Variants in CLEC2D observed in about 807,000 individuals in gnomAD.
CLEC2D encodes C-type lectin related f.
A neutral mutation model predicts 20.0 loss-of-function variants in CLEC2D; 16 were observed. The ratio of observed to expected loss-of-function variants is 0.80; its 90% CI spans 0.54 to 1.22. The LOEUF (loss-of-function observed/expected upper bound fraction) is 1.22. CLEC2D is among the 50% of genes most tolerant of loss of function. The pLI is 0.00. For missense variants in CLEC2D, 207 were observed against 221.5 expected, an observed-to-expected ratio of 0.93 and a Z score of 0.42; for synonymous variants, 77 against 71.1, an observed-to-expected ratio of 1.08 and a Z score of -0.42.
intron 1 of CLEC2D, among the ~76,000 whole-genome samples, chr12:9,672,479 A>C (rs1450960325): frequency 6.6e-6 from 1 of 152,054 alleles, no homozygotes; most frequent in Non-Finnish European, 1.5e-5. Flanking sequence ...CAGTGACCTG[A>C]CCTTTCTCCC....
At position 9,696,426 on chromosome 12, in the gene CLEC2D, T is replaced by C; in HGVS notation, c.*1552T>C. The C allele has an allele frequency of 2.2e-6, 1 of 459,652 alleles. No individual in the cohort carries two copies. The highest frequency in any genetic ancestry group is 2.1e-5 in the South Asian group (1 of 46,766). 28.5% of individuals were successfully genotyped at this position (459,652 alleles called of 1,614,324 possible). A position where few individuals can be genotyped will look rare whatever the true frequency, so the allele number is the denominator to read the frequency against. ...GTTTTTAAAGATGGAACTCCACCCT[T>C]TGCTTGGTTTTAAGTATGTATGGGA... On this transcript the variant is annotated 3_prime_UTR_variant, in exon 5 of 5. Coordinates refer to ENST00000290855, the MANE Select transcript of CLEC2D (RefSeq NM_013269.6).
chr12:9,680,830 A>G (rs10844424), intron 1 of CLEC2D, 93 bp from the exon 2 acceptor site: 45,130 of 644,066 alleles, frequency 0.07, 1,882 homozygotes, highest in Non-Finnish European at 0.087. Context: ...AAAGCGAAGG[A>G]ATTAAATAAA....
chr12:9,695,766 A>G lies in CLEC2D; in HGVS notation c.*892A>G. On this transcript the variant is annotated 3_prime_UTR_variant, in exon 5 of 5. Coordinates refer to ENST00000290855, the MANE Select transcript of CLEC2D (RefSeq NM_013269.6). ...AGGAAGGTGCAGAGTCAGAAGATGAAGAAGAGGAGGATGTGAAACTCTTAA... is the reference window on the plus strand; with the variant it reads ...AGGAAGGTGCAGAGTCAGAAGATGAGGAAGAGGAGGATGTGAAACTCTTAA... 7.2e-7 allele frequency: 1 copy of G among 1,386,434 alleles called. No homozygotes were observed. Among genetic ancestry groups the G allele is most frequent in the Admixed American group, 1.7e-5 (1 of 59,612 alleles). The allele number at this position is 1,386,434 out of a possible 1,614,324, so 85.9% of individuals were successfully genotyped here.
At chr12:9,691,423 G>T (rs1426156476) in intron 3 of CLEC2D, among the ~76,000 whole-genome samples, 1 of 152,034 alleles carries the variant, frequency 6.6e-6, no homozygotes, top group Non-Finnish European at 1.5e-5. Context: ...TCCCTAACAG[G>T]CATATACAGA....
chr12:9,670,871 G>C (rs1230509602), intron 1 of CLEC2D, among the ~76,000 whole-genome samples: 2 of 152,172 alleles, frequency 1.3e-5, no homozygotes, highest in Non-Finnish European at 2.9e-5. Context: ...CTACTCATTA[G>C]TTCAGGTCTT....
rs1182797598 is a variant in CLEC2D at position 9,697,374 on chromosome 12, C to G, written c.*2500C>G. 4 of 152,160 alleles carry G rather than the reference C, an allele frequency of 2.6e-5. No individual in the cohort carries two copies. Among genetic ancestry groups the G allele is most frequent in the Non-Finnish European group, 5.9e-5 (4 of 68,026 alleles). The allele number at this position is 152,160 out of a possible 1,614,324, so 9.4% of individuals were successfully genotyped here. ...GCCCAATCTATTCCTTTAATTCGGC[C>G]CATCCCTTCATTTCCCATAAGGGAT... is the stretch of plus-strand genomic sequence containing the variant. On this transcript the variant is annotated 3_prime_UTR_variant, in exon 5 of 5. Transcript: ENST00000290855.
In CLEC2D at chr12:9,695,439, TC is replaced by T; in HGVS notation, c.*566del. ...CCCCTGAGGCCCCAGAACTATCTTT[TC>T]AGTTGTGAACTAAAGGCCGACAAAG... On this transcript the variant is annotated 3_prime_UTR_variant, in exon 5 of 5. Coordinates refer to ENST00000290855, the MANE Select transcript of CLEC2D (RefSeq NM_013269.6). 1 of 1,448,560 alleles carries T rather than the reference TC, an allele frequency of 6.9e-7. No individual in the cohort carries two copies. The allele number at this position is 1,448,560 out of a possible 1,614,324, so 89.7% of individuals were successfully genotyped here. A position where few individuals can be genotyped will look rare whatever the true frequency, so the allele number is the denominator to read the frequency against.
At chr12:9,676,232 T>C (rs895171859) in intron 1 of CLEC2D, among the ~76,000 whole-genome samples, 1 of 152,204 alleles carries the variant, frequency 6.6e-6, no homozygotes, top group East Asian at 1.9e-4. Flanking sequence ...TTGATCTTAG[T>C]GGGAAAACTT....
intron 1 of CLEC2D, among the ~76,000 whole-genome samples, chr12:9,678,051 T>C (rs1166939428): frequency 6.6e-6 from 1 of 152,212 alleles, no homozygotes; most frequent in African/African-American, 2.4e-5. Flanking sequence ...TAGAGTGTTG[T>C]TGAAATCTCC....
rs201800241 is a variant in CLEC2D, at chr12:9,697,729, A to G, written c.*2855A>G. On this transcript the variant is annotated 3_prime_UTR_variant, in exon 5 of 5. Coordinates refer to ENST00000290855, the MANE Select transcript of CLEC2D (RefSeq NM_013269.6). ...ACTTATAGTGAAACTTAAAAAAAAAACCCAAATACATAGAAATAGAGTAGA... is the reference window on the plus strand; with the variant it reads ...ACTTATAGTGAAACTTAAAAAAAAAGCCCAAATACATAGAAATAGAGTAGA... The G allele has an allele frequency of 6.8e-6, 1 of 146,300 alleles. No individual in the cohort carries two copies. Among genetic ancestry groups the G allele is most frequent in the East Asian group, 2.0e-4 (1 of 5,012 alleles). 9.1% of individuals were successfully genotyped at this position (146,300 alleles called of 1,614,324 possible).
At chr12:9,685,588 C>CTTTGCTGCAG (rs1865731285) in intron 2 of CLEC2D, among the ~76,000 whole-genome samples, 4 of 152,112 alleles carry the variant, frequency 2.6e-5, no homozygotes, top group Non-Finnish European at 5.9e-5. Flanking sequence ...CTTTGCTGCA[C>CTTTGCTGCAG]TGGCTTTGCT....
chr12:9,695,222 A>G lies in CLEC2D; in HGVS notation c.*348A>G, dbSNP rs1591706083. The G allele has an allele frequency of 1.6e-6, 1 of 608,882 alleles. No individual in the cohort carries two copies. The highest frequency in any genetic ancestry group is 1.9e-5 in the African/African-American group (1 of 54,018). 37.7% of individuals were successfully genotyped at this position (608,882 alleles called of 1,614,324 possible). A position where few individuals can be genotyped will look rare whatever the true frequency, so the allele number is the denominator to read the frequency against. Reference sequence around the variant, plus strand: ...GTCTTATGTGGTGGCAGGCAGGGGGACTTGTGCACAGGAACTCCTATTTAT... The same window carrying G: ...GTCTTATGTGGTGGCAGGCAGGGGGGCTTGTGCACAGGAACTCCTATTTAT... On this transcript the variant is annotated 3_prime_UTR_variant, in exon 5 of 5. Transcript: ENST00000290855.
chr12:9,678,115 T>G (rs1865561717), intron 1 of CLEC2D, among the ~76,000 whole-genome samples: 1 of 152,184 alleles, frequency 6.6e-6, no homozygotes, highest in African/African-American at 2.4e-5. Flanking sequence ...AATTTTTGCC[T>G]CACGTAGTTA....
chr12:9,681,915 G>A (rs1865643306), intron 2 of CLEC2D, among the ~76,000 whole-genome samples: 1 of 152,086 alleles, frequency 6.6e-6, no homozygotes, highest in Admixed American at 6.6e-5. Flanking sequence ...AGAGATTTAA[G>A]TCAACTAATT....
intron 3 of CLEC2D, 104 bp downstream of exon 3, chr12:9,688,190 ATTTTTTTTTTTT>A (rs71045286): frequency 2.2e-5 from 17 of 787,138 alleles, no homozygotes; most frequent in South Asian, 9.1e-5. Flanking sequence ...TTTTACATTG[ATTTTTTTTTTTT>A]TTTTTTTTTT....
chr12:9,687,188 T>G (rs1160604147), intron 2 of CLEC2D, among the ~76,000 whole-genome samples: 1 of 152,226 alleles, frequency 6.6e-6, no homozygotes, highest in Non-Finnish European at 1.5e-5. Flanking sequence ...TAATGTAGAA[T>G]CAGTGGGAAC....
In CLEC2D at chr12:9,698,945, A is replaced by C. The variant is rs963690314; in HGVS notation, c.*4071A>C. 8 of 152,168 alleles carry C rather than the reference A, an allele frequency of 5.3e-5. No homozygotes were observed. The highest frequency in any genetic ancestry group is 1.9e-4 in the African/African-American group (8 of 41,434). 9.4% of individuals were successfully genotyped at this position (152,168 alleles called of 1,614,324 possible). On this transcript the variant is annotated 3_prime_UTR_variant, in exon 5 of 5. Transcript: ENST00000290855. ...AGACTCACCAAATAAGAAAACAGTT[A>C]ATTCTGGTGCCTTCCATGGGTTTTC...
At chr12:9,693,318 C>A in intron 4 of CLEC2D, 2 of 444,748 alleles carry the variant, frequency 4.5e-6, no homozygotes, top group East Asian at 3.3e-5. Flanking sequence ...TGAGTGACAG[C>A]AATTATACCT....
intron 2 of CLEC2D, among the ~76,000 whole-genome samples, chr12:9,686,365 A>G (rs1009165758): frequency 2.6e-5 from 4 of 152,024 alleles, no homozygotes; most frequent in African/African-American, 7.2e-5. Flanking sequence ...TAGCACAACA[A>G]ATATGCACAG....
Sources: allele counts gnomAD v4.1 joint callset (sites outside exome capture counted in the v4.1 genomes callset), GRCh38; gene constraint gnomAD v4.1.1; transcripts MANE v1.5; gene names NCBI Gene and HGNC (gene_info 2026-07-23, HGNC 2026-07-21).